Variants in LRRC4C observed in about 807,000 individuals in gnomAD.
LRRC4C encodes leucine rich repeat containing 4C, also known as leucine-rich repeat-containing protein 4C.
A neutral mutation model predicts 33.6 loss-of-function variants in LRRC4C; 5 were observed. The observed-to-expected ratio is 0.15, with a 90% CI of 0.08 to 0.31. The LOEUF (loss-of-function observed/expected upper bound fraction) is 0.31, where lower values mean the gene tolerates loss of function less well. Ranked by LOEUF, LRRC4C falls within the 10% of genes least tolerant of loss-of-function variation. LRRC4C has a pLI of 1.00. For synonymous variants in LRRC4C, 329 were observed against 302.0 expected (o/e 1.09, Z -0.93); for missense variants, 560 against 796.7 (o/e 0.70, Z 3.58).
chr11:40,335,680 C>T (rs186115977), intron 3 of LRRC4C, among the ~76,000 whole-genome samples: 66 of 152,318 alleles, frequency 4.3e-4, no homozygotes, highest in African/African-American at 1.5e-3. Flanking sequence ...ATTATACCTA[C>T]ATCATGGAAG....
chr11:40,157,954 A>G (rs913955818), intron 5 of LRRC4C, among the ~76,000 whole-genome samples: 2 of 152,228 alleles, frequency 1.3e-5, no homozygotes, highest in Non-Finnish European at 2.9e-5. Context: ...TGAAAAAGAT[A>G]CTTGCACACA....
chr11:40,169,297 T>C (rs1028062888), intron 5 of LRRC4C, among the ~76,000 whole-genome samples: 1 of 152,170 alleles, frequency 6.6e-6, no homozygotes, highest in Non-Finnish European at 1.5e-5. Context: ...AATTTCAACA[T>C]TATTCTATCA....
chr11:41,051,370 T>C (rs1476761386), intron 1 of LRRC4C, among the ~76,000 whole-genome samples: 1 of 151,940 alleles, frequency 6.6e-6, no homozygotes, highest in Non-Finnish European at 1.5e-5. Flanking sequence ...TATTTTCACT[T>C]ACATAGAAAT....
chr11:40,680,453 A>G (rs1944628859), intron 2 of LRRC4C, among the ~76,000 whole-genome samples: 1 of 152,114 alleles, frequency 6.6e-6, no homozygotes, highest in Admixed American at 6.5e-5. Flanking sequence ...TCCCCACCCA[A>G]ATCTAATCTT....
intron 1 of LRRC4C, among the ~76,000 whole-genome samples, chr11:41,025,909 C>T (rs1856312026): frequency 6.6e-6 from 1 of 151,648 alleles, no homozygotes; most frequent in Non-Finnish European, 1.5e-5. Context: ...TTGATATTTT[C>T]ATCCAATTGT....
chr11:40,879,454 G>A (rs541975314), intron 2 of LRRC4C, among the ~76,000 whole-genome samples: 1 of 152,312 alleles, frequency 6.6e-6, no homozygotes, highest in East Asian at 1.9e-4. Context: ...AAGGAAAGTT[G>A]TTCATCCTAC....
chr11:41,310,758 C>A (rs989092906), intron 1 of LRRC4C, among the ~76,000 whole-genome samples: 6 of 152,172 alleles, frequency 3.9e-5, no homozygotes, highest in Admixed American at 1.3e-4. Flanking sequence ...ATAAAAAAAA[C>A]CAACATTGTG....
In LRRC4C at chr11:40,937,961, C is replaced by T. The variant is rs192163715; in HGVS notation, c.-495-4238G>A. Among the ~76,000 whole-genome samples the T allele has an allele frequency of 2.1e-4, 32 of 152,118 alleles. No homozygotes were observed. In the East Asian group the frequency reaches 5.8e-3, roughly 28 times the overall value. On this transcript the variant is annotated intron_variant, in intron 1 of 6. Transcript: ENST00000528697. ...TGTGAGCTCCTGCACCCAGCCTGCT[C>T]TTCTTTGTAATTTCTTCTGTGAACT...
intron 3 of LRRC4C, among the ~76,000 whole-genome samples, chr11:40,334,008 G>T (rs1232344943): frequency 6.6e-6 from 1 of 152,112 alleles, no homozygotes; most frequent in South Asian, 2.1e-4. Flanking sequence ...ATCACTGTCT[G>T]CTGACTGGCT....
At chr11:40,486,536 G>T (rs959433980) in intron 3 of LRRC4C, among the ~76,000 whole-genome samples, 4 of 151,978 alleles carry the variant, frequency 2.6e-5, no homozygotes, top group Admixed American at 2.0e-4. Context: ...AATTTTTAAG[G>T]CAAAAGAGGA....
intron 5 of LRRC4C, among the ~76,000 whole-genome samples, chr11:40,163,154 G>GCA (rs1206418928): frequency 6.6e-6 from 1 of 152,190 alleles, no homozygotes; most frequent in African/African-American, 2.4e-5. Context: ...TTCCCAGAAA[G>GCA]CACAGTGCAT....
At chr11:41,406,553 TC>T (rs1954240933) in intron 1 of LRRC4C, among the ~76,000 whole-genome samples, 1 of 152,074 alleles carries the variant, frequency 6.6e-6, no homozygotes, top group Non-Finnish European at 1.5e-5. Context: ...CACCTCCTTC[TC>T]ATCACTCTGC....
In LRRC4C at chr11:40,382,274, G is replaced by A. The variant is rs188122605; in HGVS notation, c.-269-62553C>T. 3.3e-5 allele frequency among the ~76,000 whole-genome samples: 5 copies of A among 150,758 alleles called. No homozygotes were observed. The East Asian group carries it at 5.8e-4, about 18-fold the overall frequency. On this transcript the variant is annotated intron_variant, in intron 3 of 6. Transcript: ENST00000528697. ...TGGGATTACAGGCGTGAGCCATCGC[G>A]CCCAGCCGTGTTTTTACTTTTTTAA...
At chr11:40,424,371 C>T (rs1267107443) in intron 3 of LRRC4C, among the ~76,000 whole-genome samples, 1 of 152,118 alleles carries the variant, frequency 6.6e-6, no homozygotes, top group Non-Finnish European at 1.5e-5. Flanking sequence ...CAGCTTACCA[C>T]AATTTTCCTC....
In LRRC4C at chr11:40,989,093, C is replaced by T. The variant is rs560850942; in HGVS notation, c.-495-55370G>A. Among the ~76,000 whole-genome samples the T allele has an allele frequency of 1.1e-3, 161 of 152,188 alleles. 1 individual carries two copies. In the Middle Eastern group the frequency reaches 0.017, roughly 16 times the overall value. On this transcript the variant is annotated intron_variant, in intron 1 of 6. Coordinates refer to ENST00000528697, the MANE Select transcript of LRRC4C (RefSeq NM_001258419.2). The stretch of plus-strand genomic sequence containing the variant: ...TTTGAACATATCACTCTTTTCTCTG[C>T]CACACCTTCCGTATAACCTATGCTG...
chr11:40,905,747 A>G (rs1412757526), intron 2 of LRRC4C, among the ~76,000 whole-genome samples: 1 of 152,228 alleles, frequency 6.6e-6, no homozygotes, highest in Non-Finnish European at 1.5e-5. Flanking sequence ...ACTTTCTCCA[A>G]GAGCTGTCTG....
At chr11:41,304,005 C>A (rs1950377040) in intron 1 of LRRC4C, among the ~76,000 whole-genome samples, 1 of 65,758 alleles carries the variant, frequency 1.5e-5, no homozygotes, top group African/African-American at 4.0e-5. Context: ...TGGGGGGGGT[C>A]AGCCCCCCGC....
chr11:41,035,506 G>T (rs7941331), intron 1 of LRRC4C, among the ~76,000 whole-genome samples: 95,393 of 151,862 alleles, frequency 0.63, 30,296 homozygotes, highest in South Asian at 0.67. Flanking sequence ...CTGTGTTAGT[G>T]TGCTAAAGAT....
chr11:40,439,748 G>A (rs982526558), intron 3 of LRRC4C, among the ~76,000 whole-genome samples: 6 of 152,008 alleles, frequency 3.9e-5, no homozygotes, highest in Admixed American at 6.6e-5. Context: ...CACCGGGCCC[G>A]GCCCCTTTAT....
Sources: allele counts gnomAD v4.1 joint callset (sites outside exome capture counted in the v4.1 genomes callset), GRCh38; gene constraint gnomAD v4.1.1; transcripts MANE v1.5; gene names NCBI Gene and HGNC (gene_info 2026-07-23, HGNC 2026-07-21).